LARP1: variants seen among roughly 807,000 people sequenced by gnomAD.
LARP1 encodes the protein La ribonucleoprotein 1, translational regulator.
A neutral mutation model predicts 122.7 loss-of-function variants in LARP1; 36 were observed. That is an observed-to-expected ratio of 0.29 (90% CI 0.22 to 0.39). The LOEUF (loss-of-function observed/expected upper bound fraction) is 0.39, where lower values mean the gene tolerates loss of function less well. Ranked by LOEUF, LARP1 falls within the 10% of genes least tolerant of loss-of-function variation. The probability of loss-of-function intolerance (pLI) is 1.00; values close to 1 mark genes in which losing one functional copy is unlikely to be tolerated. For synonymous variants in LARP1, 539 were observed against 528.7 expected (o/e 1.02, Z -0.27); for missense variants, 1,040 against 1,403.6 (o/e 0.74, Z 4.14).
Position 154,796,073 on chromosome 5 carries a change from G to A in LARP1, c.1377+754G>A, listed in dbSNP as rs1262904905. ...TTTATATATTATATATTTATATATA[G>A]TATATATATTATATATATATTTTAT... On this transcript the variant is annotated intron_variant, in intron 8 of 18. Transcript: ENST00000518297. 5.1e-5 allele frequency among the ~76,000 whole-genome samples: 4 copies of A among 78,862 alleles called. No individual in the cohort carries two copies. The East Asian group carries it at 9.9e-4, about 20-fold the overall frequency. 51.7% of individuals were successfully genotyped at this position (78,862 alleles called of 152,430 possible).
intron 1 of LARP1, among the ~76,000 whole-genome samples, chr5:154,750,313 A>G (rs549862733): frequency 1.3e-5 from 2 of 149,730 alleles, no homozygotes; most frequent in African/African-American, 5.0e-5. Context: ...TCTGTTCCCC[A>G]GGCTGGGGTG....
chr5:154,794,050 G>A, intron 6 of LARP1, 50 bp downstream of exon 6: 1 of 1,611,480 alleles, frequency 6.2e-7, no homozygotes, highest in Non-Finnish European at 8.5e-7. Context: ...GTGCAGCAGG[G>A]GTGGTGGGCA....
chr5:154,711,871 C>T (rs1420783312), upstream of LARP1, among the ~76,000 whole-genome samples: 2 of 152,180 alleles, frequency 1.3e-5, no homozygotes, highest in African/African-American at 2.4e-5. Flanking sequence ...TCCAATGTCT[C>T]GTTCCTTGTC....
At chr5:154,788,275 T>C (rs748259299) in intron 1 of LARP1, among the ~76,000 whole-genome samples, 4 of 152,184 alleles carry the variant, frequency 2.6e-5, no homozygotes, top group Admixed American at 1.3e-4. Flanking sequence ...CCTCTTGGGA[T>C]TGAGATTTTC....
At chr5:154,801,949 A>G (rs1006059363) in intron 10 of LARP1, 58 bp from the exon 11 acceptor site, 26 of 1,518,192 alleles carry the variant, frequency 1.7e-5, no homozygotes, top group Middle Eastern at 2.4e-4. Flanking sequence ...GTATAGCTAC[A>G]GAATCTGGGC....
chr5:154,720,953 G>A (rs1401676816), intron 1 of LARP1, among the ~76,000 whole-genome samples: 5 of 152,132 alleles, frequency 3.3e-5, no homozygotes, highest in African/African-American at 9.6e-5. Context: ...GAGAGCCTCT[G>A]AGTCTGCATC....
At position 154,800,326 on chromosome 5, in the gene LARP1, G is replaced by T. The variant is rs568250968; in HGVS notation, c.1716+284G>T. 9.9e-5 allele frequency among the ~76,000 whole-genome samples: 15 copies of T among 152,272 alleles called. No homozygotes were observed. In the South Asian group the frequency reaches 2.3e-3, roughly 23 times the overall value. ...GCAGCATCTGGCAGCGATGTTTCTG[G>T]CTTCTTGATTCTTGGCTCTTCTTTT... On this transcript the variant is annotated intron_variant, in intron 10 of 18. Coordinates refer to ENST00000518297, the MANE Select transcript of LARP1 (RefSeq NM_033551.3).
intron 1 of LARP1, among the ~76,000 whole-genome samples, chr5:154,774,489 C>G (rs1323203309): frequency 6.6e-6 from 1 of 152,194 alleles, no homozygotes; most frequent in Non-Finnish European, 1.5e-5. Context: ...TTTGCCAGAG[C>G]TGAGGAGTCT....
At chr5:154,741,456 C>G (rs891032126) in intron 1 of LARP1, among the ~76,000 whole-genome samples, 1 of 152,170 alleles carries the variant, frequency 6.6e-6, no homozygotes, top group Non-Finnish European at 1.5e-5. Flanking sequence ...CACACAAAAT[C>G]AGAGGTTGTG....
At chr5:154,719,363 G>C (rs751005888) in intron 1 of LARP1, among the ~76,000 whole-genome samples, 1 of 152,188 alleles carries the variant, frequency 6.6e-6, no homozygotes, top group African/African-American at 2.4e-5. Context: ...CCTAGGACAA[G>C]GGTTTTTAAC....
At chr5:154,717,231 G>C (rs1410656245) in intron 1 of LARP1, among the ~76,000 whole-genome samples, 2 of 152,024 alleles carry the variant, frequency 1.3e-5, no homozygotes, top group African/African-American at 4.8e-5. Context: ...AACAGGGCTT[G>C]TGACATCTAG....
At chr5:154,734,509 G>A (rs1309686702) in intron 1 of LARP1, among the ~76,000 whole-genome samples, 1 of 152,140 alleles carries the variant, frequency 6.6e-6, no homozygotes, top group Non-Finnish European at 1.5e-5. Context: ...ATGTCCTAAT[G>A]ATAATAATTT....
chr5:154,701,707 C>T (rs1412000279), intron 1 of LARP1, among the ~76,000 whole-genome samples: 1 of 151,576 alleles, frequency 6.6e-6, no homozygotes, highest in African/African-American at 2.4e-5. Flanking sequence ...CTGCAACCTC[C>T]GCCTCCCAGG....
At chr5:154,739,318 C>T (rs1262210879) in intron 1 of LARP1, among the ~76,000 whole-genome samples, 1 of 152,160 alleles carries the variant, frequency 6.6e-6, no homozygotes, top group Non-Finnish European at 1.5e-5. Context: ...CCTCACCCGG[C>T]CCTAAAAGAA....
intron 1 of LARP1, among the ~76,000 whole-genome samples, chr5:154,695,656 C>T (rs1754435876): frequency 6.6e-6 from 1 of 151,320 alleles, no homozygotes. Flanking sequence ...GGCTCCGTCT[C>T]AAAAAAAAGA....
chr5:154,715,914 A>G (rs1453435311), intron 1 of LARP1, among the ~76,000 whole-genome samples: 1 of 152,132 alleles, frequency 6.6e-6, no homozygotes, highest in Non-Finnish European at 1.5e-5. Flanking sequence ...TACTATTCCC[A>G]TTTTACAGGA....
chr5:154,786,296 C>A (rs1470205799), intron 1 of LARP1, among the ~76,000 whole-genome samples: 5 of 152,162 alleles, frequency 3.3e-5, no homozygotes, highest in African/African-American at 1.2e-4. Flanking sequence ...CCGCCTCGGC[C>A]TCCCAAAATG....
intron 1 of LARP1, among the ~76,000 whole-genome samples, chr5:154,684,243 AG>A (rs1347290548): frequency 6.6e-6 from 1 of 152,080 alleles, no homozygotes; most frequent in African/African-American, 2.4e-5. Context: ...AGGAAATTTG[AG>A]ACCAGCCTGG....
At position 154,782,480 on chromosome 5, in the gene LARP1, C is replaced by T. The variant is rs71590155; in HGVS notation, c.437-7845C>T. Reference sequence around the variant, plus strand: ...GGGGAGAGTGGGAGCACTGGGCCACCTGGGTCACCACAGGCTAAAGATAGT... The same window carrying T: ...GGGGAGAGTGGGAGCACTGGGCCACTTGGGTCACCACAGGCTAAAGATAGT... On this transcript the variant is annotated intron_variant, in intron 1 of 18. Coordinates refer to ENST00000518297, the MANE Select transcript of LARP1 (RefSeq NM_033551.3). Among the ~76,000 whole-genome samples the T allele has an allele frequency of 1.9e-4, 29 of 152,210 alleles. 1 individual carries two copies. The East Asian group carries it at 4.7e-3, about 25-fold the overall frequency.
Sources: gnomAD v4.1 joint callset for allele counts (sites outside exome capture counted in the v4.1 genomes callset) on GRCh38, gnomAD v4.1.1 for gene constraint, MANE v1.5 for transcripts, NCBI Gene and HGNC (gene_info 2026-07-23, HGNC 2026-07-21) for gene names.